Variants in CNOT6L observed in about 807,000 individuals in gnomAD.
CNOT6L encodes CCR4-NOT transcription complex subunit 6 like, also known as CCR4-NOT transcription complex subunit 6-like.
In CNOT6L, 7 loss-of-function variants were observed where a neutral mutation model predicts 64.0. The ratio of observed to expected loss-of-function variants is 0.11; its 90% confidence interval spans 0.06 to 0.21. The LOEUF is 0.21. Among genes scored for constraint, CNOT6L ranks in the 10% least tolerant of loss-of-function variants. The pLI, the probability that CNOT6L is intolerant of heterozygous loss-of-function variation, is 1.00. For synonymous variants in CNOT6L, 193 were observed against 243.4 expected (o/e 0.79, Z 1.93); for missense variants, 245 against 669.0 (o/e 0.37, Z 6.99).
chr4:77,731,813 T>G (rs565714940), intron 8 of CNOT6L: 1 of 279,588 alleles, frequency 3.6e-6, no homozygotes, highest in Non-Finnish European at 6.6e-6. Flanking sequence ...CTTGTGACCA[T>G]GAAATAAGAA....
intron 5 of CNOT6L, among the ~76,000 whole-genome samples, chr4:77,752,521 A>G (rs1055121234): frequency 4.6e-5 from 7 of 152,160 alleles, no homozygotes; most frequent in Admixed American, 1.3e-4. Context: ...ATTAATCAAG[A>G]TATGTTCTCT....
intron 8 of CNOT6L, among the ~76,000 whole-genome samples, chr4:77,737,403 G>GTTTTTTTTTTTTTTTTTTTT (rs1723076948): frequency 8.6e-6 from 1 of 116,044 alleles, no homozygotes; most frequent in African/African-American, 3.4e-5. Flanking sequence ...TATTTGTACC[G>GTTTTTTTTTTTTTTTTTTTT]TTCTTTTTTT....
In CNOT6L at chr4:77,799,826, T is replaced by C. The variant is rs537303452; in HGVS notation, c.5+19478A>G. ...TGTATGAGAGCTCTTTCATTCAAAG[T>C]AACAAATCCTCTAGAAAAAGTAGAT... On this transcript the variant is annotated intron_variant, in intron 1 of 11. Coordinates refer to ENST00000504123, the MANE Select transcript of CNOT6L (RefSeq NM_144571.3). Among the ~76,000 whole-genome samples the C allele has an allele frequency of 5.9e-5, 9 of 152,132 alleles. No homozygotes were observed. The South Asian group carries it at 1.9e-3, about 32-fold the overall frequency.
chr4:77,808,416 C>T (rs113212948), intron 1 of CNOT6L, among the ~76,000 whole-genome samples: 9,317 of 146,012 alleles, frequency 0.064, 439 homozygotes, highest in African/African-American at 0.13. Context: ...GAGCTGAGAT[C>T]GTGCCACTGC....
intron 5 of CNOT6L, among the ~76,000 whole-genome samples, chr4:77,756,618 A>C (rs1725603083): frequency 6.6e-6 from 1 of 152,218 alleles, no homozygotes; most frequent in African/African-American, 2.4e-5. Flanking sequence ...ACTGTGAGTT[A>C]AAGTTCCTAT....
chr4:77,723,459 T>C (rs887025234), intron 11 of CNOT6L, among the ~76,000 whole-genome samples: 3 of 152,150 alleles, frequency 2.0e-5, no homozygotes, highest in African/African-American at 7.2e-5. Context: ...TATTTGATGT[T>C]ACCTACCCTT....
chr4:77,746,715 G>A (rs1295200500), intron 6 of CNOT6L, among the ~76,000 whole-genome samples: 4 of 152,162 alleles, frequency 2.6e-5, no homozygotes, highest in Non-Finnish European at 5.9e-5. Context: ...AGAAAATGGT[G>A]TTTTTAACAT....
chr4:77,769,661 T>C (rs1727316826), intron 4 of CNOT6L, among the ~76,000 whole-genome samples: 1 of 152,172 alleles, frequency 6.6e-6, no homozygotes, highest in Admixed American at 6.5e-5. Context: ...TTTAAAATAT[T>C]GGCTAATAGG....
intron 1 of CNOT6L, among the ~76,000 whole-genome samples, chr4:77,807,391 A>C (rs1203949794): frequency 2.0e-5 from 3 of 152,016 alleles, no homozygotes; most frequent in African/African-American, 7.3e-5. Context: ...TAAAAAAAAA[A>C]CTCACAGTCT....
chr4:77,754,981 G>C (rs899331301), intron 5 of CNOT6L, among the ~76,000 whole-genome samples: 2 of 133,902 alleles, frequency 1.5e-5, no homozygotes, highest in Non-Finnish European at 3.1e-5. Flanking sequence ...TTCTTAAAAA[G>C]GATAAAAGCG....
intron 5 of CNOT6L, among the ~76,000 whole-genome samples, chr4:77,749,786 G>A (rs946818099): frequency 1.3e-5 from 2 of 152,192 alleles, no homozygotes; most frequent in Admixed American, 6.5e-5. Flanking sequence ...TAAACAGCAT[G>A]TACAGCTGGT....
upstream of CNOT6L, chr4:77,819,530 C>A (rs1420517820): frequency 5.4e-6 from 4 of 735,050 alleles, no homozygotes; most frequent in Admixed American, 4.4e-5. Flanking sequence ...CCGGGGCTCG[C>A]GGGCGGGCGC....
Position 77,713,713 on chromosome 4 carries a change from A to G in CNOT6L, c.*6718T>C, listed in dbSNP as rs1017032421. 6.6e-6 allele frequency: 1 copy of G among 152,568 alleles called. No individual in the cohort carries two copies. Among genetic ancestry groups the G allele is most frequent in the Non-Finnish European group, 1.5e-5 (1 of 68,008 alleles). 9.5% of individuals were successfully genotyped at this position (152,568 alleles called of 1,614,324 possible). On this transcript the variant is annotated 3_prime_UTR_variant, in exon 12 of 12. Transcript: ENST00000504123. ...TCTATTGTGAAAAACATCTCAGCTGAGCAGTTTTGGTCAAGATTCAGACCT... is the reference window on the plus strand; with the variant it reads ...TCTATTGTGAAAAACATCTCAGCTGGGCAGTTTTGGTCAAGATTCAGACCT...
intron 1 of CNOT6L, among the ~76,000 whole-genome samples, chr4:77,780,739 A>C (rs185552171): frequency 2.7e-5 from 4 of 150,906 alleles, no homozygotes; most frequent in African/African-American, 9.9e-5. Context: ...GACTTTAATA[A>C]ATTTGTCTTT....
intron 1 of CNOT6L, among the ~76,000 whole-genome samples, chr4:77,782,043 G>A (rs1728915284): frequency 1.3e-5 from 2 of 152,102 alleles, no homozygotes; most frequent in African/African-American, 4.8e-5. Context: ...AAGCCTATAT[G>A]AGGCTTAATT....
intron 3 of CNOT6L, among the ~76,000 whole-genome samples, chr4:77,773,389 G>C (rs1007649550): frequency 3.3e-5 from 5 of 152,088 alleles, no homozygotes; most frequent in Admixed American, 1.3e-4. Context: ...TTACTCATTT[G>C]CTAGCTCACA....
At chr4:77,812,036 T>C (rs1733002502) in intron 1 of CNOT6L, among the ~76,000 whole-genome samples, 1 of 152,188 alleles carries the variant, frequency 6.6e-6, no homozygotes, top group Non-Finnish European at 1.5e-5. Context: ...CCAGGGCAAT[T>C]AAGCAAGAAA....
At chr4:77,819,592 G>A, upstream of CNOT6L, 2 of 182,556 alleles carry the variant, frequency 1.1e-5, no homozygotes, top group Non-Finnish European at 2.2e-5. Context: ...CTCCTCACCT[G>A]CATTCAGCGC....
rs1724442986 is a variant in CNOT6L, at chr4:77,748,382, G to A, written c.493C>T (p.His165Tyr). The change falls in exon 6 of 12, where the codon CAT becomes TAT. Residue 165 changes from histidine (H) to tyrosine (Y), a missense_variant and splice_region_variant. Physicochemically the swap from His to Tyr is moderately conservative, Grantham distance 83 (BLOSUM62 2). Coordinates refer to ENST00000504123, the MANE Select transcript of CNOT6L (RefSeq NM_144571.3). ...GGCCTCGGAGGAAGCTGCTCTGGATGAACTGAAAAAAATTTTGTAAATATA... is the reference window on the plus strand; with the variant it reads ...GGCCTCGGAGGAAGCTGCTCTGGATAAACTGAAAAAAATTTTGTAAATATA... Reference protein sequence around the residue: ...LNFMLDNLAVHPEQLPPRPWI... With the variant: ...LNFMLDNLAVYPEQLPPRPWI... The A allele has an allele frequency of 6.2e-7, 1 of 1,609,076 alleles. No homozygotes were observed. Among genetic ancestry groups the A allele is most frequent in the Non-Finnish European group, 8.5e-7 (1 of 1,176,468 alleles).
Sources: allele counts gnomAD v4.1 joint callset (sites outside exome capture counted in the v4.1 genomes callset), GRCh38; gene constraint gnomAD v4.1.1; transcripts MANE v1.5; gene names NCBI Gene and HGNC (gene_info 2026-07-23, HGNC 2026-07-21).